The following GTPBP10 variants were observed in gnomAD, a reference collection of about 807,000 sequenced individuals.
GTPBP10 encodes the protein GTP binding protein 10, also known as GTP-binding protein 10.
A neutral mutation model predicts 44.8 loss-of-function variants in GTPBP10; 38 were observed. The observed-to-expected ratio is 0.85, with a 90% CI of 0.65 to 1.11. The LOEUF (loss-of-function observed/expected upper bound fraction) is 1.11. Ranked by LOEUF, GTPBP10 falls within the 50% of genes most tolerant of loss-of-function variation. The probability of loss-of-function intolerance (pLI) is 0.00; values close to 1 mark genes in which losing one functional copy is unlikely to be tolerated. For missense variants in GTPBP10, 462 were observed against 453.7 expected (o/e 1.02, Z -0.17); for synonymous variants, 152 against 150.6 (o/e 1.01, Z -0.07).
At chr7:90,380,690 A>G (rs1018538673) in intron 8 of GTPBP10, among the ~76,000 whole-genome samples, 29 of 152,216 alleles carry the variant, frequency 1.9e-4, no homozygotes, top group Admixed American at 1.3e-4. Context: ...CAATTTTCAA[A>G]TATATAATAC....
chr7:90,362,801 A>G (rs1796052130), intron 4 of GTPBP10, among the ~76,000 whole-genome samples: 1 of 152,172 alleles, frequency 6.6e-6, no homozygotes. Flanking sequence ...GACTTGCTTT[A>G]TGAATCTGGT....
chr7:90,385,239 G>GT lies in GTPBP10; in HGVS notation c.*87dup, dbSNP rs1251444387. On this transcript the variant is annotated 3_prime_UTR_variant, in exon 10 of 10. Transcript: ENST00000222511. The stretch of plus-strand genomic sequence containing the variant: ...TCATCTGTGACAACCTGGAGGACAT[G>GT]TTAAGTAAAATAAGCCAGGCTTAGA... 8 of 974,368 alleles carry GT rather than the reference G, an allele frequency of 8.2e-6. No individual in the cohort carries two copies. In the East Asian group the frequency reaches 2.1e-4, roughly 26 times the overall value. The allele number at this position is 974,368 out of a possible 1,614,324, so 60.4% of individuals were successfully genotyped here. A position where few individuals can be genotyped will look rare whatever the true frequency, so the allele number is the denominator to read the frequency against.
At chr7:90,365,908 A>C (rs1199714090) in intron 4 of GTPBP10, among the ~76,000 whole-genome samples, 1 of 152,174 alleles carries the variant, frequency 6.6e-6, no homozygotes, top group Non-Finnish European at 1.5e-5. Context: ...GTTTGTCATA[A>C]ATAGCCCTTA....
intron 9 of GTPBP10, 114 bp downstream of exon 9, chr7:90,383,193 G>A (rs1021192862): frequency 2.3e-5 from 15 of 648,364 alleles, no homozygotes; most frequent in Non-Finnish European, 3.1e-5. Flanking sequence ...CAAGTTTGAA[G>A]AAAGAATATA....
intron 6 of GTPBP10, among the ~76,000 whole-genome samples, 162 bp from the exon 7 acceptor site, chr7:90,377,345 T>C (rs1314079370): frequency 2.0e-5 from 3 of 152,260 alleles, no homozygotes; most frequent in Admixed American, 2.0e-4. Context: ...TTCTTAATAC[T>C]GTACATTAAT....
At chr7:90,372,482 CTT>C (rs757973599) in intron 5 of GTPBP10, among the ~76,000 whole-genome samples, 2 of 112,194 alleles carry the variant, frequency 1.8e-5, no homozygotes, top group African/African-American at 4.0e-5. Flanking sequence ...GCTTGGCTAA[CTT>C]TTTTTTTTTT....
rs556870701 is a variant in GTPBP10 at position 90,385,310 on chromosome 7, C to A, written c.*156C>A. The A allele has an allele frequency of 1.1e-5, 6 of 564,490 alleles. No homozygotes were observed. Among genetic ancestry groups the A allele is most frequent in the Non-Finnish European group, 1.8e-5 (6 of 330,272 alleles). 35.0% of individuals were successfully genotyped at this position (564,490 alleles called of 1,614,324 possible). The stretch of plus-strand genomic sequence containing the variant: ...TCACTGTGGAATCTTAAGTTGAACT[C>A]ATAGAAGGAGAGAATAGAATGGTGG... On this transcript the variant is annotated 3_prime_UTR_variant, in exon 10 of 10. Transcript: ENST00000222511.
intron 4 of GTPBP10, among the ~76,000 whole-genome samples, chr7:90,358,259 A>G (rs553890697): frequency 1.1e-3 from 165 of 152,346 alleles, no homozygotes; most frequent in Non-Finnish European, 1.9e-3. Context: ...AGAACTACAG[A>G]ACACTGCTGA....
chr7:90,384,189 C>T (rs1179240752), intron 9 of GTPBP10, among the ~76,000 whole-genome samples: 7 of 152,142 alleles, frequency 4.6e-5, no homozygotes, highest in African/African-American at 9.7e-5. Flanking sequence ...GGACTTTCTT[C>T]GGGGCTTTTG....
At chr7:90,378,914 G>A (rs760818170) in intron 8 of GTPBP10, among the ~76,000 whole-genome samples, 2 of 152,082 alleles carry the variant, frequency 1.3e-5, no homozygotes, top group African/African-American at 2.4e-5. Flanking sequence ...TGTTGGCCAG[G>A]CTGGTCTCAA....
rs1483694029 is a variant in GTPBP10 at position 90,386,485 on chromosome 7, G to C, written c.*1331G>C. 1 of 151,918 alleles carries C rather than the reference G, an allele frequency of 6.6e-6. No individual in the cohort carries two copies. The highest frequency in any genetic ancestry group is 1.5e-5 in the Non-Finnish European group (1 of 67,978). 9.4% of individuals were successfully genotyped at this position (151,918 alleles called of 1,614,324 possible). ...GTCCTAGTCTATTTCACTTTCTTTTGTCATAATCTATTTAATTTCCCACTT... is the reference window on the plus strand; with the variant it reads ...GTCCTAGTCTATTTCACTTTCTTTTCTCATAATCTATTTAATTTCCCACTT... On this transcript the variant is annotated 3_prime_UTR_variant, in exon 10 of 10. Transcript: ENST00000222511.
intron 1 of GTPBP10, among the ~76,000 whole-genome samples, chr7:90,351,065 A>G (rs1795781101): frequency 6.6e-6 from 1 of 152,232 alleles, no homozygotes; most frequent in African/African-American, 2.4e-5. Flanking sequence ...TTAGCATCAC[A>G]TGGCCTTTTA....
chr7:90,373,532 A>G (rs767362446), intron 5 of GTPBP10, among the ~76,000 whole-genome samples: 10 of 152,236 alleles, frequency 6.6e-5, no homozygotes, highest in South Asian at 2.1e-4. Context: ...ACTAAGTGCT[A>G]TAAATCACAA....
At chr7:90,352,763 TC>T in intron 1 of GTPBP10, 52 bp from the exon 2 acceptor site, 2 of 1,391,144 alleles carry the variant, frequency 1.4e-6, no homozygotes, top group Non-Finnish European at 1.9e-6. Context: ...AGAAAAAGGT[TC>T]TAAGGTGATA....
At chr7:90,360,871 C>G (rs1036708493) in intron 4 of GTPBP10, among the ~76,000 whole-genome samples, 2 of 152,056 alleles carry the variant, frequency 1.3e-5, no homozygotes, top group Non-Finnish European at 2.9e-5. Context: ...AAGTTGGATT[C>G]CTAGCTATTT....
chr7:90,370,223 A>T (rs2115715063), intron 4 of GTPBP10, among the ~76,000 whole-genome samples: 1 of 152,312 alleles, frequency 6.6e-6, no homozygotes, highest in Non-Finnish European at 1.5e-5. Flanking sequence ...AAAGGAAAAG[A>T]AGTCATTATA....
chr7:90,355,314 C>T, intron 4 of GTPBP10, 84 bp downstream of exon 4: 3 of 871,960 alleles, frequency 3.4e-6, no homozygotes, highest in South Asian at 3.0e-5. Flanking sequence ...TAATTTGGGG[C>T]CATAATTATT....
chr7:90,382,851 G>T, intron 8 of GTPBP10, 105 bp from the exon 9 acceptor site: 1 of 626,816 alleles, frequency 1.6e-6, no homozygotes, highest in Non-Finnish European at 2.6e-6. Flanking sequence ...ATTGCATTTC[G>T]GTGATGTGAA....
At position 90,387,012 on chromosome 7, in the gene GTPBP10, G is replaced by A. The variant is rs1796535662; in HGVS notation, c.*1858G>A. The A allele has an allele frequency of 6.6e-6, 1 of 151,850 alleles. No individual in the cohort carries two copies. The highest frequency in any genetic ancestry group is 2.4e-5 in the African/African-American group (1 of 41,320). The allele number at this position is 151,850 out of a possible 1,614,324, so 9.4% of individuals were successfully genotyped here. The stretch of plus-strand genomic sequence containing the variant: ...TTATATAAATTTTTTCCAACTTAGT[G>A]TTTTTTTACATAATAGTAGCAAGTT... On this transcript the variant is annotated 3_prime_UTR_variant, in exon 10 of 10. Coordinates refer to ENST00000222511, the MANE Select transcript of GTPBP10 (RefSeq NM_033107.4).
Sources: gnomAD v4.1 joint callset for allele counts (sites outside exome capture counted in the v4.1 genomes callset) on GRCh38, gnomAD v4.1.1 for gene constraint, MANE v1.5 for transcripts, NCBI Gene and HGNC (gene_info 2026-07-23, HGNC 2026-07-21) for gene names.